Variants in SUMO2 observed in about 807,000 individuals in gnomAD.
SUMO2 encodes the protein small ubiquitin like modifier 2.
SUMO2 carries 1 observed loss-of-function variant against 16.0 expected under a neutral mutation model. That is an observed-to-expected ratio of 0.06 (90% CI 0.02 to 0.30). The LOEUF (loss-of-function observed/expected upper bound fraction) is 0.30. Ranked by LOEUF, SUMO2 falls within the 10% of genes least tolerant of loss-of-function variation. The probability of loss-of-function intolerance (pLI) is 1.00; values close to 1 mark genes in which losing one functional copy is unlikely to be tolerated. For synonymous variants in SUMO2, 36 were observed against 40.6 expected, an observed-to-expected ratio of 0.89 and a Z score of 0.43; for missense variants, 16 against 117.5, an observed-to-expected ratio of 0.14 and a Z score of 3.99.
rs190239996 is a variant in SUMO2, at chr17:75,172,558, T to C, written c.225+2194A>G. On this transcript the variant is annotated intron_variant, in intron 3 of 3. Coordinates refer to ENST00000420826, the MANE Select transcript of SUMO2 (RefSeq NM_006937.4). ...TGCAATGGCGTGATCTCCGGCTCAC[T>C]GCAACCTCTGCCTCCTGGGTTCAAG... 6.6e-4 allele frequency among the ~76,000 whole-genome samples: 100 copies of C among 150,904 alleles called. 1 individual carries two copies. The East Asian group carries it at 0.019, about 29-fold the overall frequency.
intron 2 of SUMO2, among the ~76,000 whole-genome samples, chr17:75,176,349 G>A (rs901557123): frequency 3.3e-5 from 5 of 152,058 alleles, no homozygotes; most frequent in African/African-American, 7.2e-5. Context: ...GTCTGAGCTC[G>A]GGGGCTCACA....
chr17:75,168,421 A>C lies in SUMO2; in HGVS notation c.226-20T>G. ...TTCCAACTAGCATAAAAGAAAAAACAAATGTAAAAGCACTGATTAAGTTCT... is the reference window on the plus strand; with the variant it reads ...TTCCAACTAGCATAAAAGAAAAAACCAATGTAAAAGCACTGATTAAGTTCT... On this transcript the variant is annotated intron_variant, in intron 3 of 3. Coordinates refer to ENST00000420826, the MANE Select transcript of SUMO2 (RefSeq NM_006937.4). 6.3e-7 allele frequency: 1 copy of C among 1,595,542 alleles called. No homozygotes were observed. The highest frequency in any genetic ancestry group is 8.5e-7 in the Non-Finnish European group (1 of 1,170,468).
At chr17:75,182,215 C>T (rs2074834529) in intron 1 of SUMO2, among the ~76,000 whole-genome samples, 1 of 152,170 alleles carries the variant, frequency 6.6e-6, no homozygotes, top group African/African-American at 2.4e-5. Flanking sequence ...GCCCCTGAGG[C>T]TATTAAAGTG....
chr17:75,176,385 C>G (rs951864532), intron 2 of SUMO2, among the ~76,000 whole-genome samples: 1 of 151,688 alleles, frequency 6.6e-6, no homozygotes, highest in Non-Finnish European at 1.5e-5. Flanking sequence ...TTTAGGAGAC[C>G]AAGGCAGATC....
chr17:75,168,817 C>A (rs2074712809), intron 3 of SUMO2, among the ~76,000 whole-genome samples: 1 of 152,034 alleles, frequency 6.6e-6, no homozygotes, highest in South Asian at 2.1e-4. Flanking sequence ...GTTGGCCAGG[C>A]TGGTCTCAAA....
chr17:75,171,648 A>C (rs1054748938), intron 3 of SUMO2, among the ~76,000 whole-genome samples: 4 of 152,170 alleles, frequency 2.6e-5, no homozygotes, highest in Admixed American at 2.6e-4. Flanking sequence ...CTTCAAAATG[A>C]AGTAAAATGA....
At chr17:75,171,487 C>T (rs2074738217) in intron 3 of SUMO2, among the ~76,000 whole-genome samples, 1 of 151,406 alleles carries the variant, frequency 6.6e-6, no homozygotes, top group African/African-American at 2.4e-5. Flanking sequence ...GCACTCCAGT[C>T]TGGGAGACAG....
chr17:75,172,794 A>T (rs964844783), intron 3 of SUMO2, among the ~76,000 whole-genome samples: 2 of 151,386 alleles, frequency 1.3e-5, no homozygotes, highest in Non-Finnish European at 2.9e-5. Context: ...TAATTTTTGT[A>T]TTTTTTGGCA....
At chr17:75,173,106 A>T (rs1379596103) in intron 3 of SUMO2, among the ~76,000 whole-genome samples, 2 of 152,248 alleles carry the variant, frequency 1.3e-5, no homozygotes, top group Non-Finnish European at 2.9e-5. Context: ...ATTCAAAAGT[A>T]CATGGGATCC....
chr17:75,175,987 G>A (rs535161177), intron 2 of SUMO2, among the ~76,000 whole-genome samples: 1 of 151,944 alleles, frequency 6.6e-6, no homozygotes, highest in East Asian at 1.9e-4. Context: ...CTACTATAAT[G>A]TTAAATAGAA....
chr17:75,174,868 A>G (rs1313360590), intron 2 of SUMO2, 45 bp from the exon 3 acceptor site: 1 of 1,537,194 alleles, frequency 6.5e-7, no homozygotes, highest in South Asian at 1.2e-5. Flanking sequence ...AGAGAAACAG[A>G]ATTCTATTTA....
rs184326963 is a variant in SUMO2, at chr17:75,170,041, C to A, written c.226-1640G>T. ...AAAATTAGCTGGGCGTGGTGGCGCA[C>A]GCCTGCACGCCTGTAATCCCAGCTA... On this transcript the variant is annotated intron_variant, in intron 3 of 3. Coordinates refer to ENST00000420826, the MANE Select transcript of SUMO2 (RefSeq NM_006937.4). Among the ~76,000 whole-genome samples the A allele has an allele frequency of 7.3e-5, 11 of 149,744 alleles. No individual in the cohort carries two copies. The East Asian group carries it at 2.0e-3, about 28-fold the overall frequency.
chr17:75,182,429 C>G (rs900692855), intron 1 of SUMO2: 3 of 162,866 alleles, frequency 1.8e-5, no homozygotes, highest in African/African-American at 7.2e-5. Flanking sequence ...GCCTCGGAGA[C>G]TGCAACACCC....
chr17:75,177,780 C>T (rs1420524931), intron 2 of SUMO2, among the ~76,000 whole-genome samples: 1 of 151,378 alleles, frequency 6.6e-6, no homozygotes, highest in African/African-American at 2.4e-5. Flanking sequence ...GTCACCTGAG[C>T]TCAGGAGTTC....
At position 75,182,958 on chromosome 17, in the gene SUMO2, A is replaced by C; in HGVS notation, c.-124T>G. On this transcript the variant is annotated 5_prime_UTR_variant, in exon 1 of 4. Transcript: ENST00000420826. ...AGGCGGCAGCGGTGGACGAGGGGAGAGGGTGCGCGCACGTCGTGCGCTCCC... is the reference window on the plus strand; with the variant it reads ...AGGCGGCAGCGGTGGACGAGGGGAGCGGGTGCGCGCACGTCGTGCGCTCCC... The C allele has an allele frequency of 1.2e-6, 1 of 833,966 alleles. No homozygotes were observed. Among genetic ancestry groups the C allele is most frequent in the Non-Finnish European group, 1.6e-6 (1 of 612,108 alleles). The allele number at this position is 833,966 out of a possible 1,614,324, so 51.7% of individuals were successfully genotyped here. A position where few individuals can be genotyped will look rare whatever the true frequency, so the allele number is the denominator to read the frequency against.
chr17:75,172,470 C>G (rs999739455), intron 3 of SUMO2, among the ~76,000 whole-genome samples: 4 of 151,088 alleles, frequency 2.6e-5, no homozygotes, highest in Non-Finnish European at 5.9e-5. Context: ...CAGGCGTGCA[C>G]CATCATGCCT....
At chr17:75,170,973 G>C (rs906615583) in intron 3 of SUMO2, among the ~76,000 whole-genome samples, 1 of 149,992 alleles carries the variant, frequency 6.7e-6, no homozygotes, top group Non-Finnish European at 1.5e-5. Flanking sequence ...AGATACAGTA[G>C]ATACAGTGTT....
intron 1 of SUMO2, chr17:75,182,373 G>A (rs2074835785): frequency 6.5e-6 from 1 of 153,838 alleles, no homozygotes; most frequent in East Asian, 1.9e-4. Context: ...AGATGCCCGC[G>A]GTTCCTACCC....
intron 3 of SUMO2, among the ~76,000 whole-genome samples, chr17:75,173,008 C>G (rs2074753947): frequency 6.6e-6 from 1 of 152,134 alleles, no homozygotes; most frequent in Non-Finnish European, 1.5e-5. Context: ...TTCCAATTTT[C>G]AAAGATTATC....
Sources: allele counts gnomAD v4.1 joint callset (sites outside exome capture counted in the v4.1 genomes callset), GRCh38; gene constraint gnomAD v4.1.1; transcripts MANE v1.5; gene names NCBI Gene and HGNC (gene_info 2026-07-23, HGNC 2026-07-21).